The following PGBD2 variants were observed in gnomAD, a reference collection of about 807,000 sequenced individuals.
PGBD2 encodes the protein piggyBac transposable element-derived protein 2.
A neutral mutation model predicts 8.1 loss-of-function variants in PGBD2; 6 were observed. The observed-to-expected ratio is 0.74, with a 90% confidence interval of 0.40 to 1.46. The LOEUF (loss-of-function observed/expected upper bound fraction) is 1.46. Ranked by LOEUF, PGBD2 falls within the 40% of genes most tolerant of loss-of-function variation. The pLI is 0.02. For missense variants in PGBD2, 802 were observed against 739.0 expected (o/e 1.09, Z -0.99); for synonymous variants, 318 against 272.2 (o/e 1.17, Z -1.66).
downstream of PGBD2, among the ~76,000 whole-genome samples, chr1:248,922,667 G>T (rs1239021063): frequency 5.9e-5 from 9 of 152,166 alleles, no homozygotes; most frequent in Admixed American, 5.2e-4. Flanking sequence ...TTAGCATGAA[G>T]GGCTGTTGAA....
chr1:248,919,723 C>G (rs543754376), downstream of PGBD2: 3 of 166,508 alleles, frequency 1.8e-5, no homozygotes, highest in African/African-American at 7.2e-5. Flanking sequence ...TCAAGGGTTC[C>G]CTTTTCTCCA....
At chr1:248,924,903 C>T (rs868075589), downstream of PGBD2, among the ~76,000 whole-genome samples, 9 of 152,096 alleles carry the variant, frequency 5.9e-5, no homozygotes, top group South Asian at 2.1e-4. Context: ...GGTGTCTCTG[C>T]CCTCTAGTGG....
At chr1:248,895,586 T>C in the PGBD2 span, among the ~76,000 whole-genome samples, 1 of 152,112 alleles carries the variant, frequency 6.6e-6, no homozygotes, top group Non-Finnish European at 1.5e-5. Flanking sequence ...AAACAGGTGG[T>C]TCTTGGTTAC....
At chr1:248,893,852 C>T in the PGBD2 span, among the ~76,000 whole-genome samples, 1 of 152,168 alleles carries the variant, frequency 6.6e-6, no homozygotes, top group African/African-American at 2.4e-5. Flanking sequence ...ATTCACATCT[C>T]CACCAACAAT....
the PGBD2 span, among the ~76,000 whole-genome samples, chr1:248,926,841 C>G: frequency 6.6e-6 from 1 of 152,136 alleles, no homozygotes; most frequent in Non-Finnish European, 1.5e-5. Flanking sequence ...AATCTTTATG[C>G]TAATTTTAAA....
chr1:248,923,921 T>C (rs1417503050), downstream of PGBD2, among the ~76,000 whole-genome samples: 1 of 152,194 alleles, frequency 6.6e-6, no homozygotes, highest in African/African-American at 2.4e-5. Context: ...CAGCTCCTAG[T>C]TGGAAAATGT....
intron 2 of PGBD2, 152 bp downstream of exon 2, chr1:248,914,031 G>A: frequency 1.3e-6 from 1 of 764,176 alleles, no homozygotes; most frequent in South Asian, 1.5e-5. Context: ...GATGGGAGAA[G>A]AATGGGAAAA....
At chr1:248,914,679 A>G (rs1662028562) in intron 2 of PGBD2, 1 of 1,072,822 alleles carries the variant, frequency 9.3e-7, no homozygotes, top group Non-Finnish European at 1.2e-6. Flanking sequence ...CTCTGTGCCT[A>G]CCCTCCATGC....
At chr1:248,910,065 G>A (rs188820466) in intron 1 of PGBD2, among the ~76,000 whole-genome samples, 2 of 152,346 alleles carry the variant, frequency 1.3e-5, no homozygotes, top group Non-Finnish European at 2.9e-5. Context: ...AAACTGCTGA[G>A]AGGTGAAGCA....
the PGBD2 span, among the ~76,000 whole-genome samples, chr1:248,887,908 C>T: frequency 1.3e-5 from 2 of 152,180 alleles, no homozygotes; most frequent in African/African-American, 4.8e-5. Flanking sequence ...TTGCTCCTCT[C>T]CCTCTCTGCC....
chr1:248,885,110 G>C, the PGBD2 span, among the ~76,000 whole-genome samples: 1 of 152,016 alleles, frequency 6.6e-6, no homozygotes, highest in African/African-American at 2.4e-5. Flanking sequence ...GGTCTCTTCT[G>C]TCATTGGAGG....
the PGBD2 span, among the ~76,000 whole-genome samples, chr1:248,873,120 C>T: frequency 6.0e-4 from 92 of 152,322 alleles, no homozygotes; most frequent in African/African-American, 2.0e-3. Flanking sequence ...TGTTAAGATT[C>T]AACGAATGAA....
At chr1:248,912,372 C>G (rs1460163539) in intron 1 of PGBD2, among the ~76,000 whole-genome samples, 1 of 152,214 alleles carries the variant, frequency 6.6e-6, no homozygotes, top group Non-Finnish European at 1.5e-5. Context: ...CTAACACTTT[C>G]TAAATCTGTT....
chr1:248,905,874 A>G (rs750164195), upstream of PGBD2, among the ~76,000 whole-genome samples: 82 of 152,238 alleles, frequency 5.4e-4, no homozygotes, highest in Non-Finnish European at 1.0e-3. Flanking sequence ...TTTCTTACTC[A>G]GAAGGCCTGT....
the PGBD2 span, among the ~76,000 whole-genome samples, chr1:248,900,884 T>G: frequency 1.3e-5 from 2 of 152,158 alleles, no homozygotes; most frequent in Non-Finnish European, 2.9e-5. Context: ...ATAAGGAACT[T>G]TAGCAAAGTC....
intron 2 of PGBD2, among the ~76,000 whole-genome samples, chr1:248,915,300 T>A (rs778119947): frequency 4.6e-5 from 7 of 152,212 alleles, no homozygotes; most frequent in Non-Finnish European, 1.0e-4. Context: ...CCACTTAGCG[T>A]GGTTCAACTT....
At chr1:248,902,756 C>G (rs1661556762), upstream of PGBD2, among the ~76,000 whole-genome samples, 1 of 152,032 alleles carries the variant, frequency 6.6e-6, no homozygotes, top group Non-Finnish European at 1.5e-5. Context: ...AACAGAAAAC[C>G]CAACACCACA....
the PGBD2 span, among the ~76,000 whole-genome samples, chr1:248,886,032 GA>G: frequency 1.5e-4 from 22 of 148,226 alleles, no homozygotes; most frequent in East Asian, 5.9e-4. Context: ...AATCATGAAT[GA>G]AAAAAAAAAT....
chr1:248,929,676 G>C, the PGBD2 span, among the ~76,000 whole-genome samples: 3 of 152,162 alleles, frequency 2.0e-5, no homozygotes, highest in Non-Finnish European at 4.4e-5. Flanking sequence ...ATCATCATTA[G>C]TCTTTTCCAC....
Sources: allele counts gnomAD v4.1 joint callset (sites outside exome capture counted in the v4.1 genomes callset), GRCh38; gene constraint gnomAD v4.1.1; transcripts MANE v1.5; gene names NCBI Gene and HGNC (gene_info 2026-07-23, HGNC 2026-07-21).